The following KIRREL3 variants were observed in gnomAD, a reference collection of about 807,000 sequenced individuals.
KIRREL3 encodes the protein kin of IRRE-like protein 3.
Under a neutral mutation model 89.7 loss-of-function variants are expected in KIRREL3, and 36 were observed. That is an observed-to-expected ratio of 0.40 (90% CI 0.31 to 0.53). KIRREL3 has a LOEUF of 0.53. KIRREL3 is among the 20% of genes least tolerant of loss of function. KIRREL3 has a pLI of 0.49. For missense variants in KIRREL3, 864 were observed against 1,056.6 expected (o/e 0.82, Z 2.53); for synonymous variants, 445 against 441.4 (o/e 1.01, Z -0.10).
intron 1 of KIRREL3, among the ~76,000 whole-genome samples, chr11:126,840,666 T>C (rs1336483305): frequency 6.6e-6 from 1 of 152,210 alleles, no homozygotes; most frequent in Admixed American, 6.5e-5. Flanking sequence ...GATAAAATCT[T>C]GTGCAGAACA....
At chr11:126,884,986 G>C (rs938922626) in intron 1 of KIRREL3, among the ~76,000 whole-genome samples, 4 of 152,180 alleles carry the variant, frequency 2.6e-5, no homozygotes, top group African/African-American at 9.7e-5. Flanking sequence ...AATAGGTTAA[G>C]AGATTTGTGT....
chr11:126,856,616 T>C (rs1265542509), intron 1 of KIRREL3, among the ~76,000 whole-genome samples: 3 of 60,222 alleles, frequency 5.0e-5, no homozygotes, highest in African/African-American at 8.4e-5. Flanking sequence ...CACACAGACA[T>C]ATATTTTTTT....
At chr11:126,945,266 C>T (rs1262126370) in intron 1 of KIRREL3, among the ~76,000 whole-genome samples, 1 of 152,194 alleles carries the variant, frequency 6.6e-6, no homozygotes, top group African/African-American at 2.4e-5. Flanking sequence ...TCTCAGGCAT[C>T]CCAGTGTCTA....
chr11:126,919,051 A>G (rs1021908482), intron 1 of KIRREL3, among the ~76,000 whole-genome samples: 15 of 150,826 alleles, frequency 9.9e-5, no homozygotes, highest in Admixed American at 8.0e-4. Context: ...TATTATATAT[A>G]ATATGATGTA....
chr11:126,463,265 G>A lies in KIRREL3; in HGVS notation c.634C>T (p.Leu212Phe). ...TCCACGTCACCAGGGGAGATGAAGA[G>A]GGTGCTGACGATGCTCTCCCGCTTG... ...DGKRESIVST[L>F]FISPGDVENG... is the part of the protein sequence containing the mutation. The change falls in exon 6 of 17, where the codon CTC becomes TTC. Residue 212 changes from leucine to phenylalanine, a missense_variant. Leu to Phe is a conservative substitution (Grantham distance 22). Transcript: ENST00000525144. This position sits in a 1 kb window ranked among gnomAD's most constrained non-coding sequence, Gnocchi z 5.9. 6.2e-7 allele frequency: 1 copy of A among 1,613,910 alleles called. No individual in the cohort carries two copies. Among genetic ancestry groups the A allele is most frequent in the South Asian group, 1.1e-5 (1 of 91,050 alleles).
rs1429376908 is a variant in KIRREL3, at chr11:126,594,061, C to T, written c.56-31149G>A. On this transcript the variant is annotated intron_variant, in intron 1 of 16. Coordinates refer to ENST00000525144, the MANE Select transcript of KIRREL3 (RefSeq NM_032531.4). This position sits in a 1 kb window ranked among gnomAD's most constrained non-coding sequence, Gnocchi z 5.0. Reference sequence around the variant, plus strand: ...CTGCTTTATTGGGGAAAAGAAATCACATCCCCAGGCTCCCTTCCCTCTGTC... The same window carrying T: ...CTGCTTTATTGGGGAAAAGAAATCATATCCCCAGGCTCCCTTCCCTCTGTC... Among the ~76,000 whole-genome samples the T allele has an allele frequency of 1.3e-5, 2 of 152,142 alleles. No individual in the cohort carries two copies. The highest frequency in any genetic ancestry group is 2.9e-5 in the Non-Finnish European group (2 of 68,028).
At chr11:126,533,869 A>G (rs1959015012) in intron 2 of KIRREL3, among the ~76,000 whole-genome samples, 1 of 152,052 alleles carries the variant, frequency 6.6e-6, no homozygotes, top group Admixed American at 6.6e-5. Flanking sequence ...GCTCACAACA[A>G]ATGCTCAGGG....
At chr11:126,988,002 C>T (rs1279351775) in intron 1 of KIRREL3, among the ~76,000 whole-genome samples, 5 of 152,084 alleles carry the variant, frequency 3.3e-5, no homozygotes, top group Non-Finnish European at 1.5e-5. Context: ...CCCTAATAAC[C>T]ATTATTAATC....
chr11:126,933,541 A>G (rs941822938), intron 1 of KIRREL3, among the ~76,000 whole-genome samples: 2 of 151,664 alleles, frequency 1.3e-5, no homozygotes, highest in African/African-American at 2.4e-5. Flanking sequence ...AGATTATTTC[A>G]TATGTAAAAA....
In KIRREL3 at chr11:126,550,667, A is replaced by AG. The variant is rs1475833094; in HGVS notation, c.133+12167_133+12168insC. On this transcript the variant is annotated intron_variant, in intron 2 of 16. Coordinates refer to ENST00000525144, the MANE Select transcript of KIRREL3 (RefSeq NM_032531.4). The surrounding 1 kb of genome is among the most constrained non-coding windows in gnomAD (Gnocchi z 4.9). ...CCGTCTCTGTCTCGAGAGAAAAAAAAAAAAAGAATATTAGTCGCAATGATA... is the reference window on the plus strand; with the variant it reads ...CCGTCTCTGTCTCGAGAGAAAAAAAAGAAAAAGAATATTAGTCGCAATGATA... 1.3e-5 allele frequency: 2 copies of AG among 152,210 alleles called. No homozygotes were observed. The highest frequency in any genetic ancestry group is 4.8e-5 in the African/African-American group (2 of 41,452). 9.4% of individuals were successfully genotyped at this position (152,210 alleles called of 1,614,324 possible).
At chr11:126,937,382 C>T (rs1380371162) in intron 1 of KIRREL3, among the ~76,000 whole-genome samples, 1 of 152,206 alleles carries the variant, frequency 6.6e-6, no homozygotes, top group Non-Finnish European at 1.5e-5. Flanking sequence ...AGTGCCTTAA[C>T]ATACACTAGC....
At position 126,764,713 on chromosome 11, in the gene KIRREL3, T is replaced by C. The variant is rs1429858448; in HGVS notation, c.56-201801A>G. Among the ~76,000 whole-genome samples the C allele has an allele frequency of 6.6e-6, 1 of 152,160 alleles. No individual in the cohort carries two copies. The highest frequency in any genetic ancestry group is 1.5e-5 in the Non-Finnish European group (1 of 68,024). ...GTAGGCTCTGAATGCTGCTTTTATG[T>C]TATTGCACACATGAGTGGAACATAC... On this transcript the variant is annotated intron_variant, in intron 1 of 16. Transcript: ENST00000525144. This position sits in a 1 kb window ranked among gnomAD's most constrained non-coding sequence, Gnocchi z 4.2.
chr11:126,874,391 T>G (rs1218230183), intron 1 of KIRREL3, among the ~76,000 whole-genome samples: 1 of 152,196 alleles, frequency 6.6e-6, no homozygotes, highest in Admixed American at 6.5e-5. Flanking sequence ...ACAAGAGGCA[T>G]CTCTTATTCA....
chr11:126,446,685 G>A lies in KIRREL3; in HGVS notation c.1125+74C>T, dbSNP rs182708699. 7.5e-6 allele frequency: 11 copies of A among 1,468,434 alleles called. No homozygotes were observed. In the Admixed American group the frequency reaches 1.0e-4, roughly 13 times the overall value. The allele number at this position is 1,468,434 out of a possible 1,614,324, so 91.0% of individuals were successfully genotyped here. A position where few individuals can be genotyped will look rare whatever the true frequency, so the allele number is the denominator to read the frequency against. On this transcript the variant is annotated intron_variant, in intron 9 of 16. Transcript: ENST00000525144. The stretch of plus-strand genomic sequence containing the variant: ...CCAGTCTAATAGTGAGAGGGGCCTG[G>A]GCAGCAGTTCCTTCTTGCTCCACTG...
intron 1 of KIRREL3, among the ~76,000 whole-genome samples, chr11:126,894,419 G>A (rs1037800653): frequency 2.0e-5 from 3 of 151,638 alleles, no homozygotes; most frequent in Non-Finnish European, 4.4e-5. Flanking sequence ...ATTTCAAATC[G>A]TGTTAAGTGC....
rs564386621 is a variant in KIRREL3, at chr11:126,686,991, A to T, written c.56-124079T>A. ...GGCCTGACAGAGATGACATCCCTGG[A>T]ACTGCAGTAGAGGAGTATGGCTAGA... On this transcript the variant is annotated intron_variant, in intron 1 of 16. Transcript: ENST00000525144. The surrounding 1 kb of genome is among the most constrained non-coding windows in gnomAD (Gnocchi z 4.7). 2.6e-5 allele frequency among the ~76,000 whole-genome samples: 4 copies of T among 152,324 alleles called. No individual in the cohort carries two copies. The highest frequency in any genetic ancestry group is 9.6e-5 in the African/African-American group (4 of 41,574).
At position 126,827,523 on chromosome 11, in the gene KIRREL3, A is replaced by G. The variant is rs139370934; in HGVS notation, c.55+172932T>C. On this transcript the variant is annotated intron_variant, in intron 1 of 16. Transcript: ENST00000525144. ...TTTGGGGGGCATTTTAGATTACCTT[A>G]GAGAATGATAATATTGCCTCTTCTA... Among the ~76,000 whole-genome samples, 807 of 152,288 alleles carry G rather than the reference A, an allele frequency of 5.3e-3. 9 individuals are homozygous for G. The highest frequency in any genetic ancestry group is 0.018 in the African/African-American group (764 of 41,558).
intron 1 of KIRREL3, among the ~76,000 whole-genome samples, chr11:126,930,024 TC>T (rs1854548475): frequency 6.6e-6 from 1 of 151,698 alleles, no homozygotes; most frequent in African/African-American, 2.4e-5. Flanking sequence ...TTTGTTCATT[TC>T]TTATATTTTA....
chr11:126,698,948 G>A (rs1265165492), intron 1 of KIRREL3, among the ~76,000 whole-genome samples: 1 of 152,222 alleles, frequency 6.6e-6, no homozygotes, highest in Non-Finnish European at 1.5e-5. Context: ...GATCTTAAGG[G>A]GCTGGGAGCT....
Sources: gnomAD v4.1 joint callset for allele counts (sites outside exome capture counted in the v4.1 genomes callset) on GRCh38, gnomAD v4.1.1 for gene constraint, Gnocchi (gnomAD v3.1) non-coding constraint, MANE v1.5 for transcripts, NCBI Gene and HGNC (gene_info 2026-07-23, HGNC 2026-07-21) for gene names.